Variants in COL28A1 observed in about 807,000 individuals in gnomAD.
The protein encoded by COL28A1 is collagen alpha-1(XXVIII) chain.
Under a neutral mutation model 150.2 loss-of-function variants are expected in COL28A1, and 161 were observed. That is an observed-to-expected ratio of 1.07 (90% CI 0.94 to 1.22). The LOEUF is 1.22. Ranked by LOEUF, COL28A1 falls within the 50% of genes most tolerant of loss-of-function variation. The pLI, the probability that COL28A1 is intolerant of heterozygous loss-of-function variation, is 0.00. For synonymous variants in COL28A1, 552 were observed against 469.7 expected (o/e 1.18, Z -2.26); for missense variants, 1,617 against 1,388.3 (o/e 1.16, Z -2.62).
chr7:7,372,925 G>C, intron 32 of COL28A1, 73 bp downstream of exon 32: 2 of 1,343,164 alleles, frequency 1.5e-6, no homozygotes, highest in South Asian at 1.4e-5. Flanking sequence ...TATTTGGTCA[G>C]GACAAACCAG....
At chr7:7,465,254 G>A (rs566397417) in intron 15 of COL28A1, among the ~76,000 whole-genome samples, 260 of 96,942 alleles carry the variant, frequency 2.7e-3, no homozygotes, top group South Asian at 6.5e-3. Flanking sequence ...TGTGCGCACC[G>A]TGCGCGAGCC....
intron 16 of COL28A1, among the ~76,000 whole-genome samples, chr7:7,454,491 T>C (rs1195815470): frequency 1.4e-5 from 2 of 145,500 alleles, no homozygotes; most frequent in East Asian, 3.9e-4. Context: ...TACCTCGAAA[T>C]TTTTTTTTCT....
chr7:7,513,318 C>T (rs1781249538), intron 8 of COL28A1, among the ~76,000 whole-genome samples: 1 of 152,186 alleles, frequency 6.6e-6, no homozygotes, highest in Non-Finnish European at 1.5e-5. Context: ...GTCTGTTAGG[C>T]TCTCAAGTCC....
intron 16 of COL28A1, among the ~76,000 whole-genome samples, chr7:7,455,265 G>T (rs746774292): frequency 7.9e-5 from 12 of 152,102 alleles, no homozygotes; most frequent in African/African-American, 2.9e-4. Context: ...TGAATTTGTG[G>T]GTTGCTTTGA....
downstream of COL28A1, among the ~76,000 whole-genome samples, chr7:7,351,979 G>A (rs1358200953): frequency 6.6e-6 from 1 of 152,110 alleles, no homozygotes; most frequent in African/African-American, 2.4e-5. Context: ...CACTCTTTAA[G>A]TCTGAAAGGA....
At chr7:7,415,302 T>C (rs1431404215) in intron 27 of COL28A1, among the ~76,000 whole-genome samples, 1 of 152,224 alleles carries the variant, frequency 6.6e-6, no homozygotes, top group Non-Finnish European at 1.5e-5. Context: ...AACAAATGAA[T>C]GTAAGAAATG....
At chr7:7,452,196 A>G in intron 18 of COL28A1, 123 bp downstream of exon 18, 2 of 1,418,836 alleles carry the variant, frequency 1.4e-6, no homozygotes, top group Non-Finnish European at 1.9e-6. Context: ...TTAAAAAGTA[A>G]AAGGAGCCCA....
chr7:7,417,091 A>T (rs1047652348), intron 27 of COL28A1, among the ~76,000 whole-genome samples: 4 of 152,232 alleles, frequency 2.6e-5, no homozygotes, highest in East Asian at 1.9e-4. Flanking sequence ...GATAAGAACA[A>T]CATCATCAAC....
At chr7:7,355,292 G>A (rs1175339659), downstream of COL28A1, among the ~76,000 whole-genome samples, 1 of 152,002 alleles carries the variant, frequency 6.6e-6, no homozygotes, top group African/African-American at 2.4e-5. Context: ...AAATAAACAT[G>A]GTAAGGTGTC....
Position 7,524,733 on chromosome 7 carries a change from G to C in COL28A1, c.682-484C>G, listed in dbSNP as rs916705747. On this transcript the variant is annotated intron_variant, in intron 3 of 34. Transcript: ENST00000399429. The stretch of plus-strand genomic sequence containing the variant: ...AGTCATAACTTCATGAAATATTAAT[G>C]GGTGTTAGATCATATTAAAACTCAA... 3.3e-5 allele frequency among the ~76,000 whole-genome samples: 5 copies of C among 152,174 alleles called. No homozygotes were observed. In the East Asian group the frequency reaches 9.7e-4, roughly 29 times the overall value.
chr7:7,388,057 G>A (rs1408404926), intron 27 of COL28A1, among the ~76,000 whole-genome samples: 1 of 151,738 alleles, frequency 6.6e-6, no homozygotes, highest in East Asian at 1.9e-4. Flanking sequence ...GGGTACATGT[G>A]CAGAACATGG....
chr7:7,377,967 T>G (rs116429976), intron 30 of COL28A1, among the ~76,000 whole-genome samples: 3,867 of 151,914 alleles, frequency 0.025, 169 homozygotes, highest in African/African-American at 0.088. Flanking sequence ...CAAATGACAG[T>G]GGGGCCATAC....
At position 7,517,823 on chromosome 7, in the gene COL28A1, T is replaced by A. The variant is rs373074184; in HGVS notation, c.828A>T (p.Lys276Asn). 2 of 1,613,594 alleles carry A rather than the reference T, an allele frequency of 1.2e-6. No homozygotes were observed. The highest frequency in any genetic ancestry group is 2.7e-5 in the African/African-American group (2 of 74,904). The change falls in exon 7 of 35, where the codon AAA (lysine) becomes AAT (asparagine). Residue 276 changes from lysine to asparagine, a missense_variant. Lys to Asn is a moderately conservative substitution (Grantham distance 94, BLOSUM62 0). Coordinates refer to ENST00000399429, the MANE Select transcript of COL28A1 (RefSeq NM_001037763.3). ...CTGGACCTCTTTCTCCAGCTTCTCCTTTTTGAGCGTTGCCCTGTGACAAAC... is the reference window on the plus strand; with the variant it reads ...CTGGACCTCTTTCTCCAGCTTCTCCATTTTGAGCGTTGCCCTGTGACAAAC... The part of the protein sequence containing the change: ...GPKGNPGNAQ[K>N]GEAGERGPGG...
downstream of COL28A1, among the ~76,000 whole-genome samples, chr7:7,355,833 G>A (rs1050305334): frequency 1.3e-5 from 2 of 151,986 alleles, no homozygotes; most frequent in African/African-American, 4.8e-5. Flanking sequence ...CCTACTTTTG[G>A]GGAATATACC....
At chr7:7,501,809 T>G (rs1012036714) in intron 11 of COL28A1, among the ~76,000 whole-genome samples, 1 of 152,164 alleles carries the variant, frequency 6.6e-6, no homozygotes, top group Non-Finnish European at 1.5e-5. Flanking sequence ...GTCTCCTGAG[T>G]CACAATTTCA....
intron 18 of COL28A1, 111 bp from the exon 19 acceptor site, chr7:7,444,600 T>A: frequency 1.0e-6 from 1 of 979,110 alleles, no homozygotes; most frequent in Non-Finnish European, 1.5e-6. Context: ...GAAATCTCAT[T>A]AGCAATTAAT....
intron 23 of COL28A1, 110 bp from the exon 24 acceptor site, chr7:7,432,810 A>G (rs1302103447): frequency 2.5e-6 from 2 of 800,140 alleles, no homozygotes; most frequent in Non-Finnish European, 4.3e-6. Context: ...CTAACCCGGG[A>G]GTTAGAAAAT....
chr7:7,507,045 G>A, intron 10 of COL28A1, 72 bp downstream of exon 10: 1 of 794,226 alleles, frequency 1.3e-6, no homozygotes, highest in African/African-American at 1.7e-5. Context: ...GGGTGCAAGT[G>A]GGCAAGGGGA....
At chr7:7,458,940 G>A (rs936639766) in intron 15 of COL28A1, among the ~76,000 whole-genome samples, 1 of 152,180 alleles carries the variant, frequency 6.6e-6, no homozygotes, top group Admixed American at 6.5e-5. Flanking sequence ...GTACAACTTT[G>A]TTTTGTACCA....
Sources: gnomAD v4.1 joint callset for allele counts (sites outside exome capture counted in the v4.1 genomes callset) on GRCh38, gnomAD v4.1.1 for gene constraint, MANE v1.5 for transcripts, NCBI Gene and HGNC (gene_info 2026-07-23, HGNC 2026-07-21) for gene names.